Variants in PDS5A observed in about 807,000 individuals in gnomAD.
PDS5A encodes the protein sister chromatid cohesion protein PDS5 homolog A.
A neutral mutation model predicts 167.1 loss-of-function variants in PDS5A; 42 were observed. That is an observed-to-expected ratio of 0.25 (90% CI 0.20 to 0.33). The LOEUF (loss-of-function observed/expected upper bound fraction) is 0.33. PDS5A is among the 10% of genes least tolerant of loss of function. The pLI is 1.00. For synonymous variants in PDS5A, 553 were observed against 554.6 expected, an observed-to-expected ratio of 1.00 and a Z score of 0.04; for missense variants, 1,033 against 1,605.9, an observed-to-expected ratio of 0.64 and a Z score of 6.10.
At chr4:39,905,073 T>G (rs983461470) in intron 11 of PDS5A, among the ~76,000 whole-genome samples, 18 of 151,648 alleles carry the variant, frequency 1.2e-4, no homozygotes, top group Non-Finnish European at 2.1e-4. Flanking sequence ...CCAAGGCAGG[T>G]GCATCGCTTG....
intron 11 of PDS5A, among the ~76,000 whole-genome samples, chr4:39,905,787 A>G (rs1723282101): frequency 6.6e-6 from 1 of 152,028 alleles, no homozygotes; most frequent in Non-Finnish European, 1.5e-5. Context: ...GAAGAAAGGA[A>G]GGAAGATAGG....
chr4:39,977,437 C>G lies in PDS5A; in HGVS notation c.-41+20G>C, dbSNP rs1238876183. 2.0e-5 allele frequency: 3 copies of G among 153,572 alleles called. No individual in the cohort carries two copies. The highest frequency in any genetic ancestry group is 4.8e-5 in the African/African-American group (2 of 41,402). 9.5% of individuals were successfully genotyped at this position (153,572 alleles called of 1,614,324 possible). On this transcript the variant is annotated intron_variant, in intron 1 of 32. Transcript: ENST00000303538. The surrounding 1 kb of genome is among the most constrained non-coding windows in gnomAD (Gnocchi z 4.2). ...CCCTCCAGCAGCCTAGGGCGGGAGC[C>G]GAGCCGCCGCCGCCTTTACCTCCTC...
At position 39,837,744 on chromosome 4, in the gene PDS5A, T is replaced by C. The variant is rs959582184; in HGVS notation, c.4010+112A>G. 3.9e-5 allele frequency: 28 copies of C among 719,690 alleles called. No homozygotes were observed. The African/African-American group carries it at 4.8e-4, about 12-fold the overall frequency. 44.6% of individuals were successfully genotyped at this position (719,690 alleles called of 1,614,324 possible). ...TATAAACGGACCCAGGAAAACCAGA[T>C]GCAGGTTTCTCTCTCAAATGCTTAG... On this transcript the variant is annotated intron_variant, in intron 32 of 32. Coordinates refer to ENST00000303538, the MANE Select transcript of PDS5A (RefSeq NM_001100399.2).
chr4:39,905,536 C>T (rs1211026869), intron 11 of PDS5A, among the ~76,000 whole-genome samples: 13 of 151,922 alleles, frequency 8.6e-5, no homozygotes, highest in African/African-American at 2.9e-4. Flanking sequence ...CCAGCCTGGG[C>T]GACAGAGTGA....
At chr4:39,886,103 C>T (rs1248333282) in intron 17 of PDS5A, among the ~76,000 whole-genome samples, 1 of 152,190 alleles carries the variant, frequency 6.6e-6, no homozygotes, top group Non-Finnish European at 1.5e-5. Context: ...ATGTTCTTGA[C>T]ACCTCTGTCA....
chr4:39,959,191 C>T (rs1311051809), intron 2 of PDS5A, among the ~76,000 whole-genome samples: 1 of 152,144 alleles, frequency 6.6e-6, no homozygotes, highest in Non-Finnish European at 1.5e-5. Flanking sequence ...CTGTTATTCC[C>T]AGTGTCACTT....
intron 17 of PDS5A, among the ~76,000 whole-genome samples, chr4:39,884,178 C>T (rs761923932): frequency 6.6e-6 from 1 of 152,232 alleles, no homozygotes; most frequent in Middle Eastern, 3.4e-3. Flanking sequence ...CTGCCCGCCT[C>T]GGCCTCCCAA....
chr4:39,954,169 T>C (rs921562984), intron 2 of PDS5A, among the ~76,000 whole-genome samples: 1 of 149,396 alleles, frequency 6.7e-6, no homozygotes, highest in African/African-American at 2.4e-5. Context: ...AGTGAGGCTC[T>C]ATCTCTACGG....
intron 26 of PDS5A, among the ~76,000 whole-genome samples, chr4:39,853,962 G>A (rs550463366): frequency 2.6e-5 from 4 of 152,296 alleles, no homozygotes; most frequent in African/African-American, 7.2e-5. Context: ...CAAAGGACAC[G>A]TATTAGCTGT....
chr4:39,946,209 T>TAA lies in PDS5A; in HGVS notation c.139-18047_139-18046dup, dbSNP rs11419649. ...GTGATGGAGTGAGACTTCATCTCAA[T>TAA]AAAAAAAAAAAAAGAAAGAAAAAAA... On this transcript the variant is annotated intron_variant, in intron 2 of 32. Transcript: ENST00000303538. 7.3e-3 allele frequency among the ~76,000 whole-genome samples: 953 copies of TAA among 130,912 alleles called. 5 individuals are homozygous for TAA. Among genetic ancestry groups the TAA allele is most frequent in the Non-Finnish European group, 9.3e-3 (592 of 63,348 alleles). 85.9% of individuals were successfully genotyped at this position (130,912 alleles called of 152,430 possible). A position where few individuals can be genotyped will look rare whatever the true frequency, so the allele number is the denominator to read the frequency against.
chr4:39,956,592 AATTTT>A (rs1271526550), intron 2 of PDS5A, among the ~76,000 whole-genome samples: 1 of 151,970 alleles, frequency 6.6e-6, no homozygotes, highest in Non-Finnish European at 1.5e-5. Flanking sequence ...ATCTAAAGAC[AATTTT>A]ATTTTATTAC....
At chr4:39,840,755 GGTTT>G (rs1409955643) in intron 31 of PDS5A, among the ~76,000 whole-genome samples, 1 of 151,988 alleles carries the variant, frequency 6.6e-6, no homozygotes, top group East Asian at 1.9e-4. Flanking sequence ...GCAGAGACAG[GGTTT>G]CACTTCAGGT....
At chr4:39,937,262 C>T (rs1012232102) in intron 2 of PDS5A, among the ~76,000 whole-genome samples, 2 of 152,160 alleles carry the variant, frequency 1.3e-5, no homozygotes, top group African/African-American at 4.8e-5. Flanking sequence ...GTAACAAAGA[C>T]ACTCTCACTT....
At chr4:39,972,580 G>C (rs1208703144) in intron 2 of PDS5A, among the ~76,000 whole-genome samples, 2 of 151,132 alleles carry the variant, frequency 1.3e-5, no homozygotes, top group African/African-American at 4.9e-5. Flanking sequence ...ATGTTGCCCA[G>C]GTCTGAACCT....
intron 17 of PDS5A, among the ~76,000 whole-genome samples, chr4:39,889,516 C>A (rs1721786559): frequency 6.6e-6 from 1 of 152,176 alleles, no homozygotes; most frequent in Non-Finnish European, 1.5e-5. Context: ...GAAAAAGAAC[C>A]AACAAGTGCT....
intron 11 of PDS5A, 68 bp from the exon 12 acceptor site, chr4:39,904,259 T>A: frequency 8.9e-7 from 1 of 1,129,226 alleles, no homozygotes. Flanking sequence ...AAAGACTGCC[T>A]TGGCTTCATT....
chr4:39,902,902 A>G (rs1308290968), intron 12 of PDS5A, among the ~76,000 whole-genome samples: 1 of 152,324 alleles, frequency 6.6e-6, no homozygotes, highest in East Asian at 1.9e-4. Context: ...ACAATGGAAG[A>G]TATCAGTTTA....
intron 2 of PDS5A, among the ~76,000 whole-genome samples, chr4:39,949,605 T>C (rs1042895443): frequency 1.6e-4 from 24 of 151,444 alleles, no homozygotes; most frequent in Non-Finnish European, 3.1e-4. Context: ...GGCAGGTGGA[T>C]GGATCATTTG....
chr4:39,911,390 C>T (rs575022521), intron 9 of PDS5A, among the ~76,000 whole-genome samples: 7 of 131,836 alleles, frequency 5.3e-5, no homozygotes, highest in East Asian at 6.0e-4. Flanking sequence ...AGTAAGACTC[C>T]GTCTCAAAAA....
Sources: allele counts gnomAD v4.1 joint callset (sites outside exome capture counted in the v4.1 genomes callset), GRCh38; gene constraint gnomAD v4.1.1; non-coding constraint Gnocchi (gnomAD v3.1); transcripts MANE v1.5; gene names NCBI Gene and HGNC (gene_info 2026-07-23, HGNC 2026-07-21).